The following WNK2 variants were observed in gnomAD, a reference collection of about 807,000 sequenced individuals.
WNK2 encodes the protein serine/threonine-protein kinase WNK2.
Under a neutral mutation model 192.1 loss-of-function variants are expected in WNK2, and 67 were observed. The observed-to-expected ratio is 0.35, with a 90% CI of 0.29 to 0.43. The LOEUF is 0.43. Ranked by LOEUF, WNK2 falls within the 20% of genes least tolerant of loss-of-function variation. The probability of loss-of-function intolerance (pLI) is 1.00; values close to 1 mark genes in which losing one functional copy is unlikely to be tolerated. For synonymous variants in WNK2, 1,439 were observed against 1,393.9 expected, an observed-to-expected ratio of 1.03 and a Z score of -0.72; for missense variants, 2,698 against 3,089.7, an observed-to-expected ratio of 0.87 and a Z score of 3.01.
At chr9:93,201,286 G>A (rs1832305402) in intron 2 of WNK2, among the ~76,000 whole-genome samples, 1 of 152,340 alleles carries the variant, frequency 6.6e-6, no homozygotes, top group Middle Eastern at 3.4e-3. Flanking sequence ...AGACTGTTCC[G>A]AGCAAGGCTG....
At chr9:93,296,602 T>C (rs1197282716) in intron 23 of WNK2, among the ~76,000 whole-genome samples, 1 of 52,182 alleles carries the variant, frequency 1.9e-5, no homozygotes, top group Non-Finnish European at 3.7e-5. Flanking sequence ...TCTCCATCAT[T>C]CCCTCTCCAT....
At chr9:93,284,085 G>C (rs1848101323) in intron 19 of WNK2, among the ~76,000 whole-genome samples, 2 of 152,176 alleles carry the variant, frequency 1.3e-5, no homozygotes, top group Non-Finnish European at 2.9e-5. Flanking sequence ...GTGTATAAGG[G>C]GGAAAAACCC....
intron 2 of WNK2, among the ~76,000 whole-genome samples, chr9:93,192,887 G>A (rs1830589071): frequency 6.6e-6 from 1 of 152,198 alleles, no homozygotes; most frequent in African/African-American, 2.4e-5. Flanking sequence ...GGACAGCTGG[G>A]AGCTGCAGCC....
chr9:93,281,046 A>C (rs1010644373), intron 19 of WNK2, among the ~76,000 whole-genome samples: 4 of 152,232 alleles, frequency 2.6e-5, no homozygotes, highest in African/African-American at 9.6e-5. Flanking sequence ...GGCTGAAAGC[A>C]GATCAGTAGT....
chr9:93,269,618 G>A (rs548159247), intron 19 of WNK2, among the ~76,000 whole-genome samples: 2 of 152,272 alleles, frequency 1.3e-5, no homozygotes, highest in African/African-American at 4.8e-5. Context: ...TTTTAAATAA[G>A]TATATGTTCG....
chr9:93,256,310 G>T lies in WNK2; in HGVS notation c.2046G>T (p.Pro682=). ...GGTGCTCTCTGCAGCCTGGCTTGCC[G>T]GTGGGCTCTGTCCCGGCCCCCGCCT... ...YQQPTAAPGL[P]VGSVPAPACP... The change falls in exon 10 of 30, where the codon CCG becomes CCT. Residue 682 remains proline, a synonymous_variant. Coordinates refer to ENST00000427277, the MANE Select transcript of WNK2 (RefSeq NM_006648.4). The T allele has an allele frequency of 1.3e-6, 2 of 1,565,810 alleles. No homozygotes were observed. The highest frequency in any genetic ancestry group is 2.3e-5 in the East Asian group (1 of 43,098).
intron 29 of WNK2, chr9:93,318,007 T>A: frequency 6.2e-7 from 1 of 1,612,824 alleles, no homozygotes; most frequent in South Asian, 1.1e-5. Context: ...CTTTGCGGCT[T>A]CAGACCCTGT....
rs756489248 is a variant in WNK2, at chr9:93,289,128, A to G, written c.4374A>G (p.Pro1458=). 1.2e-6 allele frequency: 2 copies of G among 1,603,022 alleles called. No homozygotes were observed. The highest frequency in any genetic ancestry group is 2.2e-5 in the South Asian group (2 of 90,332). Residue 1458 remains proline (P), a synonymous_variant, in exon 20 of 30, where the codon CCA becomes CCG. Transcript: ENST00000427277. ...PLVVGLAPCT[P]APEAASTRDA... ...TGGTGGGCCTAGCACCTTGCACTCC[A>G]GCTCCAGAGGCTGCCTCAACCAGGG...
In WNK2 at chr9:93,320,532, A is replaced by C. The variant is rs978125115; in HGVS notation, c.*140A>C. 3 of 895,872 alleles carry C rather than the reference A, an allele frequency of 3.3e-6. No homozygotes were observed. In the African/African-American group the frequency reaches 5.3e-5, roughly 16 times the overall value. The allele number at this position is 895,872 out of a possible 1,614,324, so 55.5% of individuals were successfully genotyped here. On this transcript the variant is annotated 3_prime_UTR_variant, in exon 30 of 30. Coordinates refer to ENST00000427277, the MANE Select transcript of WNK2 (RefSeq NM_006648.4). ...TTTTTTATTCACAATTGGAAACACA[A>C]ATGTAATGCAAGAATAAAAAATATT...
chr9:93,312,056 A>G (rs187996246), intron 28 of WNK2, among the ~76,000 whole-genome samples: 7 of 152,216 alleles, frequency 4.6e-5, no homozygotes, highest in Admixed American at 2.0e-4. Context: ...GGCTGTTTCT[A>G]TGTCTTCCTT....
In WNK2 at chr9:93,184,998, C is replaced by A; in HGVS notation, c.69C>A (p.Pro23=). ...TLMEPGRGAG[P]AGMAEPRAKA... is the part of the protein sequence containing the mutation. ...TGGAGCCCGGGCGCGGCGCGGGGCC[C>A]GCGGGCATGGCGGAGCCTCGGGCGA... The change falls in exon 2 of 30, where the codon CCC becomes CCA. Residue 23 remains proline (P), a synonymous_variant. Coordinates refer to ENST00000427277, the MANE Select transcript of WNK2 (RefSeq NM_006648.4). 8.0e-7 allele frequency: 1 copy of A among 1,244,826 alleles called. No individual in the cohort carries two copies. Among genetic ancestry groups the A allele is most frequent in the East Asian group, 3.2e-5 (1 of 30,992 alleles). 77.1% of individuals were successfully genotyped at this position (1,244,826 alleles called of 1,614,324 possible). A position where few individuals can be genotyped will look rare whatever the true frequency, so the allele number is the denominator to read the frequency against.
Position 93,234,956 on chromosome 9 carries a change from G to A in WNK2, c.1224G>A (p.Lys408=). Residue 408 remains lysine, a synonymous_variant, in exon 5 of 30, where the codon AAG becomes AAA. Coordinates refer to ENST00000427277, the MANE Select transcript of WNK2 (RefSeq NM_006648.4). ...AGAATGCGGCCCAGATCTACCGCAAGGTCACCTGTGTGAGTCCACCTGGCC... is the reference window on the plus strand; with the variant it reads ...AGAATGCGGCCCAGATCTACCGCAAAGTCACCTGTGTGAGTCCACCTGGCC... ...ECQNAAQIYR[K]VTCGIKPASF... is the part of the protein sequence containing the mutation. The A allele has an allele frequency of 1.2e-6, 2 of 1,614,086 alleles. No homozygotes were observed. The highest frequency in any genetic ancestry group is 1.7e-6 in the Non-Finnish European group (2 of 1,179,928).
At chr9:93,289,832 G>C in intron 20 of WNK2, 146 bp from the exon 21 acceptor site, 1 of 888,876 alleles carries the variant, frequency 1.1e-6, no homozygotes, top group Non-Finnish European at 1.7e-6. Flanking sequence ...TGCAGCGTCA[G>C]GTGACTCAGC....
intron 9 of WNK2, among the ~76,000 whole-genome samples, chr9:93,253,355 C>G (rs1426459928): frequency 6.6e-6 from 1 of 151,426 alleles, no homozygotes; most frequent in Non-Finnish European, 1.5e-5. Context: ...GGAAAGACAC[C>G]CTATTGGAAA....
chr9:93,231,369 C>T (rs1422970829), intron 4 of WNK2, among the ~76,000 whole-genome samples: 1 of 152,244 alleles, frequency 6.6e-6, no homozygotes, highest in African/African-American at 2.4e-5. Flanking sequence ...CCCCTGCTGC[C>T]CCTGCCTTGT....
chr9:93,269,724 CTG>C (rs1845753647), intron 19 of WNK2, among the ~76,000 whole-genome samples: 1 of 152,162 alleles, frequency 6.6e-6, no homozygotes, highest in Non-Finnish European at 1.5e-5. Flanking sequence ...GCAGGGGACA[CTG>C]TGGTGTAAGT....
chr9:93,194,985 T>C (rs4743900), intron 2 of WNK2, among the ~76,000 whole-genome samples: 113,597 of 151,088 alleles, frequency 0.75, 43,867 homozygotes, highest in Non-Finnish European at 0.84. Context: ...TCCAACTAGA[T>C]GACATTCTGG....
At chr9:93,240,685 G>A (rs565153848) in intron 7 of WNK2, among the ~76,000 whole-genome samples, 4 of 152,260 alleles carry the variant, frequency 2.6e-5, no homozygotes, top group African/African-American at 9.6e-5. Flanking sequence ...CCACGCTGAC[G>A]ATGCCAGGGG....
chr9:93,208,972 G>A (rs960278712), intron 2 of WNK2, among the ~76,000 whole-genome samples: 1 of 152,100 alleles, frequency 6.6e-6, no homozygotes, highest in East Asian at 1.9e-4. Context: ...CCACAGCTCC[G>A]GGGGTGCTTG....
Sources: gnomAD v4.1 joint callset for allele counts (sites outside exome capture counted in the v4.1 genomes callset) on GRCh38, gnomAD v4.1.1 for gene constraint, MANE v1.5 for transcripts, NCBI Gene and HGNC (gene_info 2026-07-23, HGNC 2026-07-21) for gene names.